Variants in FHIT observed in about 807,000 individuals in gnomAD.
FHIT encodes the protein bis(5'-adenosyl)-triphosphatase.
Under a neutral mutation model 17.9 loss-of-function variants are expected in FHIT, and 19 were observed. The observed-to-expected ratio is 1.06, with a 90% CI of 0.74 to 1.56. The LOEUF (loss-of-function observed/expected upper bound fraction) is 1.56, where lower values mean the gene tolerates loss of function less well. FHIT is among the 40% of genes most tolerant of loss of function. The pLI is 0.00. For synonymous variants in FHIT, 81 were observed against 69.7 expected (o/e 1.16, Z -0.81); for missense variants, 248 against 189.2 (o/e 1.31, Z -1.82).
At chr3:60,641,011 C>T (rs2039711212) in intron 4 of FHIT, among the ~76,000 whole-genome samples, 1 of 151,980 alleles carries the variant, frequency 6.6e-6, no homozygotes, top group South Asian at 2.1e-4. Context: ...GAAACCCTGT[C>T]TTTACCAAAA....
intron 8 of FHIT, among the ~76,000 whole-genome samples, chr3:59,802,539 C>G (rs962526958): frequency 2.6e-5 from 4 of 152,116 alleles, no homozygotes; most frequent in Non-Finnish European, 5.9e-5. Context: ...CCTTGTGACC[C>G]CCGCCCCTGC....
At chr3:60,694,849 G>A (rs13096315) in intron 4 of FHIT, among the ~76,000 whole-genome samples, 120,756 of 151,874 alleles carry the variant, frequency 0.8, 48,988 homozygotes, top group East Asian at 0.88. Context: ...TCACTCACAG[G>A]TGGGAACTGA....
chr3:60,851,518 A>G (rs1444748247), intron 3 of FHIT, among the ~76,000 whole-genome samples: 1 of 152,132 alleles, frequency 6.6e-6, no homozygotes, highest in Admixed American at 6.6e-5. Context: ...CGTCTAACAG[A>G]ATGACCTATA....
chr3:61,000,917 C>A (rs552463576), intron 3 of FHIT, among the ~76,000 whole-genome samples: 1 of 151,198 alleles, frequency 6.6e-6, no homozygotes, highest in South Asian at 2.1e-4. Context: ...ATATATCTGA[C>A]AAAGAATTAC....
chr3:61,020,268 T>C (rs2032342826), intron 3 of FHIT, among the ~76,000 whole-genome samples: 1 of 152,240 alleles, frequency 6.6e-6, no homozygotes, highest in Non-Finnish European at 1.5e-5. Context: ...TAGTTCTGAT[T>C]TGCATTTCTC....
At chr3:60,820,017 G>T (rs1253924734) in intron 4 of FHIT, among the ~76,000 whole-genome samples, 2 of 151,992 alleles carry the variant, frequency 1.3e-5, no homozygotes, top group African/African-American at 4.8e-5. Flanking sequence ...TGTTTAAAAA[G>T]AACCTTCTAG....
intron 2 of FHIT, among the ~76,000 whole-genome samples, chr3:61,152,001 T>C (rs1003117336): frequency 3.3e-5 from 5 of 152,232 alleles, no homozygotes; most frequent in Non-Finnish European, 5.9e-5. Flanking sequence ...ACTTAGCTTA[T>C]TGTAAGCCAC....
chr3:60,385,370 TACAAATATACATCA>T (rs1700968513), intron 5 of FHIT, among the ~76,000 whole-genome samples: 1 of 152,320 alleles, frequency 6.6e-6, no homozygotes, highest in Non-Finnish European at 1.5e-5. Flanking sequence ...CTGTTAAGTG[TACAAATATACATCA>T]GGTGCAGGAA....
chr3:61,129,238 G>C (rs900650590), intron 2 of FHIT, among the ~76,000 whole-genome samples: 5 of 152,206 alleles, frequency 3.3e-5, no homozygotes, highest in African/African-American at 1.2e-4. Flanking sequence ...CACAAACACA[G>C]AGACATTCAG....
intron 5 of FHIT, among the ~76,000 whole-genome samples, chr3:60,303,523 C>A (rs1424833509): frequency 2.0e-5 from 3 of 152,136 alleles, no homozygotes; most frequent in Non-Finnish European, 4.4e-5. Context: ...CATGGAAGAC[C>A]ATTTCCAGAG....
At chr3:60,723,740 G>C (rs1553708674) in intron 4 of FHIT, among the ~76,000 whole-genome samples, 1 of 152,156 alleles carries the variant, frequency 6.6e-6, no homozygotes, top group African/African-American at 2.4e-5. Flanking sequence ...TAACAATGCT[G>C]AGTCCTAGGA....
intron 5 of FHIT, among the ~76,000 whole-genome samples, chr3:60,293,673 G>C (rs573250281): frequency 6.6e-6 from 1 of 152,238 alleles, no homozygotes; most frequent in East Asian, 1.9e-4. Flanking sequence ...AGTATCCTGA[G>C]AAAGTGTAGC....
intron 2 of FHIT, among the ~76,000 whole-genome samples, chr3:61,115,739 T>C (rs1307024057): frequency 6.6e-6 from 1 of 152,110 alleles, no homozygotes. Flanking sequence ...TGTATACAGT[T>C]GTGCATAAGG....
chr3:60,749,799 GTA>G (rs1441752333), intron 4 of FHIT, among the ~76,000 whole-genome samples: 1 of 152,140 alleles, frequency 6.6e-6, no homozygotes, highest in Non-Finnish European at 1.5e-5. Flanking sequence ...GTAAATGTGG[GTA>G]TATCTCCAAG....
chr3:60,116,375 G>T (rs547014832), intron 5 of FHIT, among the ~76,000 whole-genome samples: 3 of 152,146 alleles, frequency 2.0e-5, no homozygotes, highest in Admixed American at 6.5e-5. Context: ...AAGTATTCTC[G>T]ATAGCGGGCA....
At chr3:60,505,141 C>T (rs1268385900) in intron 5 of FHIT, among the ~76,000 whole-genome samples, 1 of 152,160 alleles carries the variant, frequency 6.6e-6, no homozygotes, top group Non-Finnish European at 1.5e-5. Flanking sequence ...GGGCAGAAAT[C>T]TATCTGAAAC....
intron 5 of FHIT, among the ~76,000 whole-genome samples, chr3:60,417,507 A>C (rs913829364): frequency 1.3e-5 from 2 of 152,166 alleles, no homozygotes; most frequent in African/African-American, 2.4e-5. Context: ...CATAGGCTTA[A>C]ATGAGAAAAG....
chr3:60,914,260 C>T (rs1706889615), intron 3 of FHIT, among the ~76,000 whole-genome samples: 1 of 152,026 alleles, frequency 6.6e-6, no homozygotes, highest in Non-Finnish European at 1.5e-5. Flanking sequence ...TGTTATAATA[C>T]AATTGGTAAA....
chr3:60,569,767 T>TTTTTAGACAGAGTTTTGCTA (rs2037307864), intron 4 of FHIT, among the ~76,000 whole-genome samples: 1 of 63,586 alleles, frequency 1.6e-5, no homozygotes, highest in South Asian at 5.4e-4. Context: ...TTTTTTTTTT[T>TTTTTAGACAGAGTTTTGCTA]TTAGACAGAG....
Sources: gnomAD v4.1 joint callset for allele counts (sites outside exome capture counted in the v4.1 genomes callset) on GRCh38, gnomAD v4.1.1 for gene constraint, MANE v1.5 for transcripts, NCBI Gene and HGNC (gene_info 2026-07-23, HGNC 2026-07-21) for gene names.